The following VPS26A variants were observed in gnomAD, a reference collection of about 807,000 sequenced individuals.
The protein encoded by VPS26A is VPS26 retromer complex component A.
A neutral mutation model predicts 42.4 loss-of-function variants in VPS26A; 22 were observed. That is an observed-to-expected ratio of 0.52 (90% CI 0.37 to 0.74). The LOEUF (loss-of-function observed/expected upper bound fraction) is 0.74. Among genes scored for constraint, VPS26A ranks in the 30% least tolerant of loss-of-function variants. The pLI, the probability that VPS26A is intolerant of heterozygous loss-of-function variation, is 0.00. For synonymous variants in VPS26A, 110 were observed against 123.5 expected (o/e 0.89, Z 0.73); for missense variants, 276 against 379.2 (o/e 0.73, Z 2.26).
chr10:69,137,269 A>G (rs1422237350), intron 2 of VPS26A, among the ~76,000 whole-genome samples: 1 of 152,240 alleles, frequency 6.6e-6, no homozygotes, highest in African/African-American at 2.4e-5. Flanking sequence ...CAAACTTAGC[A>G]ACCTAAAATA....
In VPS26A at chr10:69,174,349, A is replaced by G. The variant is rs1841887264; in HGVS notation, c.*3080A>G. ...TTGGGTGACAGAGACACCATGTCTC[A>G]AAAATCTACCCAGAGTTGGGAACCA... is the stretch of plus-strand genomic sequence containing the variant. On this transcript the variant is annotated 3_prime_UTR_variant, in exon 9 of 9. Transcript: ENST00000263559. Among the ~76,000 whole-genome samples, 1 of 152,232 alleles carries G rather than the reference A, an allele frequency of 6.6e-6. No homozygotes were observed. Among genetic ancestry groups the G allele is most frequent in the South Asian group, 2.1e-4 (1 of 4,822 alleles).
chr10:69,157,170 A>G lies in VPS26A; in HGVS notation c.386+7A>G. 4 of 1,609,400 alleles carry G rather than the reference A, an allele frequency of 2.5e-6. No homozygotes were observed. Among genetic ancestry groups the G allele is most frequent in the Non-Finnish European group, 3.4e-6 (4 of 1,177,938 alleles). On this transcript the variant is annotated splice_region_variant and intron_variant, in intron 4 of 8. Transcript: ENST00000263559. The stretch of plus-strand genomic sequence containing the variant: ...GTGCCAATGTCCGCTTGAGGTATGA[A>G]TGTGTATTATAAACTGTAAACAGAA...
chr10:69,163,682 G>A (rs1841612809), intron 6 of VPS26A, among the ~76,000 whole-genome samples: 1 of 151,876 alleles, frequency 6.6e-6, no homozygotes, highest in Non-Finnish European at 1.5e-5. Context: ...TATTCAAGAT[G>A]TATGATGGAA....
At chr10:69,131,952 C>T (rs1840788662) in intron 1 of VPS26A, among the ~76,000 whole-genome samples, 1 of 152,078 alleles carries the variant, frequency 6.6e-6, no homozygotes, top group Admixed American at 6.6e-5. Context: ...TGATCTTTGT[C>T]CCTTATATTT....
At chr10:69,165,321 TTATTA>T (rs1377930466) in intron 6 of VPS26A, among the ~76,000 whole-genome samples, 1 of 152,200 alleles carries the variant, frequency 6.6e-6, no homozygotes, top group Admixed American at 6.5e-5. Flanking sequence ...GTGATTTCTT[TTATTA>T]TTATTATTTT....
chr10:69,170,268 TC>T (rs372500216), intron 8 of VPS26A: 101 of 152,332 alleles, frequency 6.6e-4, no homozygotes, highest in African/African-American at 2.1e-3. Context: ...AGTATTGCCA[TC>T]CTAATGTTGT....
At chr10:69,161,176 C>T (rs987466506) in intron 5 of VPS26A, among the ~76,000 whole-genome samples, 3 of 152,172 alleles carry the variant, frequency 2.0e-5, no homozygotes, top group African/African-American at 4.8e-5. Context: ...CATCTCACCT[C>T]AGCCTCCTGA....
chr10:69,129,197 A>G (rs1338883345), intron 1 of VPS26A, among the ~76,000 whole-genome samples: 1 of 152,036 alleles, frequency 6.6e-6, no homozygotes, highest in Non-Finnish European at 1.5e-5. Flanking sequence ...GTTGTCTTCT[A>G]CCCTTTCATG....
intron 1 of VPS26A, among the ~76,000 whole-genome samples, chr10:69,128,028 C>T (rs1564671148): frequency 6.6e-6 from 1 of 151,752 alleles, no homozygotes; most frequent in Non-Finnish European, 1.5e-5. Context: ...ATATTTCTTG[C>T]ATCCAGAAAA....
intron 2 of VPS26A, 121 bp from the exon 3 acceptor site, chr10:69,155,691 T>G (rs1841417871): frequency 2.7e-6 from 2 of 731,206 alleles, no homozygotes; most frequent in Non-Finnish European, 4.7e-6. Context: ...TATGTGGTGG[T>G]GTCTCAAACT....
Position 69,174,081 on chromosome 10 carries a change from G to A in VPS26A, c.*2812G>A, listed in dbSNP as rs138815400. On this transcript the variant is annotated 3_prime_UTR_variant, in exon 9 of 9. Transcript: ENST00000263559. Reference sequence around the variant, plus strand: ...AGCTGGCCACCCCCCAGCCAGCAGCGGCAACCGGCTCGGGTCCCCCTCCAT... The same window carrying A: ...AGCTGGCCACCCCCCAGCCAGCAGCAGCAACCGGCTCGGGTCCCCCTCCAT... 1.7e-4 allele frequency among the ~76,000 whole-genome samples: 26 copies of A among 152,328 alleles called. No homozygotes were observed. Among genetic ancestry groups the A allele is most frequent in the Middle Eastern group, 3.4e-3 (1 of 294 alleles).
intron 2 of VPS26A, among the ~76,000 whole-genome samples, chr10:69,147,936 A>G (rs1006905957): frequency 6.6e-6 from 1 of 152,180 alleles, no homozygotes; most frequent in African/African-American, 2.4e-5. Flanking sequence ...CTGATCTCGA[A>G]CTACTGGACT....
intron 2 of VPS26A, among the ~76,000 whole-genome samples, chr10:69,139,960 CTG>C (rs1460846488): frequency 2.0e-5 from 3 of 151,972 alleles, no homozygotes; most frequent in African/African-American, 7.2e-5. Context: ...TCTATCTTGT[CTG>C]TAGAAATGCC....
chr10:69,153,868 A>G (rs573209015), intron 2 of VPS26A, among the ~76,000 whole-genome samples: 1 of 152,236 alleles, frequency 6.6e-6, no homozygotes, highest in African/African-American at 2.4e-5. Flanking sequence ...TGATATTCTC[A>G]GACTACATAC....
At chr10:69,160,583 C>T (rs1227808603) in intron 5 of VPS26A, among the ~76,000 whole-genome samples, 1 of 152,152 alleles carries the variant, frequency 6.6e-6, no homozygotes, top group Non-Finnish European at 1.5e-5. Flanking sequence ...TCCTGAGTAG[C>T]TGGGATGACA....
chr10:69,126,754 A>G (rs941960941), intron 1 of VPS26A, among the ~76,000 whole-genome samples: 24 of 152,284 alleles, frequency 1.6e-4, no homozygotes, highest in Admixed American at 2.6e-4. Context: ...ATTTAATTTC[A>G]TTACCCTTTA....
chr10:69,151,284 C>A (rs10998607), intron 2 of VPS26A, among the ~76,000 whole-genome samples: 68,738 of 111,386 alleles, frequency 0.62, 19,956 homozygotes, highest in Middle Eastern at 0.75. Context: ...AAAAAAAAAA[C>A]ACACACACAC....
chr10:69,170,571 A>G (rs1461132881), intron 8 of VPS26A, among the ~76,000 whole-genome samples: 1 of 152,172 alleles, frequency 6.6e-6, no homozygotes, highest in Non-Finnish European at 1.5e-5. Flanking sequence ...GGGCGAGTTT[A>G]TTTGGATTGC....
rs1841858380 is a variant in VPS26A, at chr10:69,173,331, A to G, written c.*2062A>G. Among the ~76,000 whole-genome samples, 2 of 152,210 alleles carry G rather than the reference A, an allele frequency of 1.3e-5. No homozygotes were observed. The highest frequency in any genetic ancestry group is 6.6e-5 in the Admixed American group (1 of 15,266). ...AAATAAGAATCTCAGAGACTGGGCC[A>G]TAAGCATTAAAAACAAAACAACCTC... On this transcript the variant is annotated 3_prime_UTR_variant, in exon 9 of 9. Coordinates refer to ENST00000263559, the MANE Select transcript of VPS26A (RefSeq NM_004896.5).
Sources: gnomAD v4.1 joint callset for allele counts (sites outside exome capture counted in the v4.1 genomes callset) on GRCh38, gnomAD v4.1.1 for gene constraint, MANE v1.5 for transcripts, NCBI Gene and HGNC (gene_info 2026-07-23, HGNC 2026-07-21) for gene names.